The following NBPF14 variants were observed in gnomAD, a reference collection of about 807,000 sequenced individuals.
NBPF14 encodes the protein NBPF member 14.
A neutral mutation model predicts 91.2 loss-of-function variants in NBPF14; 104 were observed. That is an observed-to-expected ratio of 1.14 (90% confidence interval 0.97 to 1.34). The LOEUF (loss-of-function observed/expected upper bound fraction) is 1.34. Among genes scored for constraint, NBPF14 ranks in the 40% most tolerant of loss-of-function variants. The pLI, the probability that NBPF14 is intolerant of heterozygous loss-of-function variation, is 0.00. For synonymous variants in NBPF14, 294 were observed against 303.8 expected, an observed-to-expected ratio of 0.97 and a Z score of 0.34; for missense variants, 908 against 783.0, an observed-to-expected ratio of 1.16 and a Z score of -1.91.
exon 69 of NBPF14, chr1:148,534,849 T>G (rs1237716534): frequency 3.2e-5 from 33 of 1,016,898 alleles, no homozygotes; most frequent in Non-Finnish European, 4.9e-5. Context: ...AGCAGCTCCC[T>G]GCTGAGCCTG....
At chr1:148,533,802 G>A in intron 70 of NBPF14, 59 bp downstream of exon 70, 6 of 766,342 alleles carry the variant, frequency 7.8e-6, no homozygotes, top group East Asian at 2.4e-5. Flanking sequence ...TGGTTTCCCT[G>A]AATCTGTTGC....
chr1:148,534,306 T>C lies in NBPF14; in HGVS notation c.8615-337A>G, dbSNP rs1389757338. ...AGAAAAACTGCAATATTTAGCCCTG[T>C]CTCATCAAATACTCAGATTGTTCAT... On this transcript the variant is annotated intron_variant, in intron 69 of 70. Coordinates refer to ENST00000619423, the Ensembl canonical transcript of NBPF14. Among the ~76,000 whole-genome samples the C allele has an allele frequency of 8.3e-4, 126 of 151,922 alleles. 1 individual carries two copies. Among genetic ancestry groups the C allele is most frequent in the Middle Eastern group, 6.8e-3 (2 of 294 alleles).
At chr1:148,542,961 CAGAGAGAGAG>C (rs1160999375) in intron 58 of NBPF14, among the ~76,000 whole-genome samples, 99 of 16,158 alleles carry the variant, frequency 6.1e-3, no homozygotes, top group Non-Finnish European at 9.1e-3. Context: ...CACACACACA[CAGAGAGAGAG>C]AGAACGAGCT....
At chr1:148,586,667 T>C (rs1463236820) in intron 8 of NBPF14, among the ~76,000 whole-genome samples, 198 bp from the exon 9 acceptor site, 38 of 143,396 alleles carry the variant, frequency 2.6e-4, no homozygotes, top group African/African-American at 6.3e-4. Flanking sequence ...GAGAGGGCTC[T>C]TGCAAGATCC....
At chr1:148,532,110 T>G (rs3871284) in exon 71 of NBPF14, 1 of 152,394 alleles carries the variant, frequency 6.6e-6, no homozygotes, top group African/African-American at 2.4e-5. Flanking sequence ...ATCTTTTTAC[T>G]TTTTTTGAAC....
intron 38 of NBPF14, 46 bp downstream of exon 38, chr1:148,558,975 C>G: frequency 3.0e-6 from 1 of 337,368 alleles, no homozygotes; most frequent in Non-Finnish European, 4.7e-6. Context: ...CCTGGCATCT[C>G]CAGGTGTCAA....
intron 34 of NBPF14, among the ~76,000 whole-genome samples, 195 bp from the exon 35 acceptor site, chr1:148,561,774 TAG>T (rs1448573295): frequency 1.7e-5 from 1 of 60,466 alleles, no homozygotes; most frequent in Non-Finnish European, 2.8e-5. Context: ...GAAAGACAGA[TAG>T]ACACACACAC....
intron 12 of NBPF14, among the ~76,000 whole-genome samples, chr1:148,580,974 A>C (rs1660823004): frequency 1.1e-5 from 1 of 94,546 alleles, no homozygotes; most frequent in South Asian, 4.3e-4. Flanking sequence ...ATCATTTAAC[A>C]TTAGGTATAT....
chr1:148,565,996 T>G, intron 29 of NBPF14, 147 bp downstream of exon 29: 1 of 188,030 alleles, frequency 5.3e-6, no homozygotes, highest in South Asian at 2.9e-5. Flanking sequence ...CAGGTAGAAC[T>G]AGAGTTTCAT....
rs1156570342 is a variant in NBPF14 at position 148,592,638 on chromosome 1, G to A, written c.407C>T (p.Pro136Leu). ...GAGGTCCTGCCCCTGGGACTTGTCCGGCTCATACGGAGTGAGGAGGGCCTG... is the reference window on the plus strand; with the variant it reads ...GAGGTCCTGCCCCTGGGACTTGTCCAGCTCATACGGAGTGAGGAGGGCCTG... The change falls in exon 4 of 71, where the codon CCG becomes CTG. Residue 136 changes from proline to leucine, a missense_variant. Around this residue, in one of 13 missense-constraint regions of NBPF14, gnomAD observed 61 missense variants for 56.4 expected, o/e 1.08. Transcript: ENST00000619423. 125 of 1,587,282 alleles carry A rather than the reference G, an allele frequency of 7.9e-5. 11 individuals are homozygous for A. The highest frequency in any genetic ancestry group is 4.4e-4 in the Admixed American group (26 of 59,256).
At chr1:148,578,223 G>T (rs1326077874) in intron 13 of NBPF14, among the ~76,000 whole-genome samples, 189 bp from the exon 14 acceptor site, 1 of 151,776 alleles carries the variant, frequency 6.6e-6, no homozygotes, top group South Asian at 2.1e-4. Context: ...CATGAGCCTT[G>T]GGCAAAATTC....
intron 59 of NBPF14, among the ~76,000 whole-genome samples, chr1:148,542,146 T>C (rs1655644898): frequency 9.5e-6 from 1 of 105,182 alleles, no homozygotes; most frequent in African/African-American, 7.0e-5. Context: ...TCAAATGATT[T>C]CTAGGAGAAA....
chr1:148,533,773 T>A lies in NBPF14; in HGVS notation c.8723+88A>T. ...GGAGTAATTCAGCCTTTGTTGAAAA[T>A]ATGACATCAAACACACTCTGGTTTC... On this transcript the variant is annotated intron_variant, in intron 70 of 70. Coordinates refer to ENST00000619423, the Ensembl canonical transcript of NBPF14. 6 of 762,118 alleles carry A rather than the reference T, an allele frequency of 7.9e-6. No individual in the cohort carries two copies. In the Admixed American group the frequency reaches 1.0e-4, roughly 13 times the overall value. 47.2% of individuals were successfully genotyped at this position (762,118 alleles called of 1,614,324 possible). A position where few individuals can be genotyped will look rare whatever the true frequency, so the allele number is the denominator to read the frequency against.
exon 69 of NBPF14, chr1:148,534,725 G>A (rs1553332423): frequency 3.6e-6 from 3 of 836,386 alleles, no homozygotes; most frequent in East Asian, 2.4e-5. Context: ...TTCCTCCAAT[G>A]AGTAAACAGC....
At chr1:148,576,752 A>G (rs1659838397) in intron 15 of NBPF14, among the ~76,000 whole-genome samples, 1 of 146,432 alleles carries the variant, frequency 6.8e-6, no homozygotes. Flanking sequence ...ATTTAAAGCA[A>G]TTGCCCCCAA....
exon 8 of NBPF14, chr1:148,587,305 G>A: frequency 1.3e-6 from 2 of 1,580,528 alleles, no homozygotes; most frequent in Admixed American, 1.7e-5. Flanking sequence ...CCTCACCTGA[G>A]CTCCTCAGCT....
At chr1:148,576,098 G>C (rs1333749591) in intron 16 of NBPF14, among the ~76,000 whole-genome samples, 1 of 138,560 alleles carries the variant, frequency 7.2e-6, no homozygotes, top group African/African-American at 2.9e-5. Context: ...CTGAGTTAGT[G>C]CCCTCGGGAC....
rs1471149975 is a variant in NBPF14 at position 148,557,693 on chromosome 1, G to C, written c.4955-151C>G. On this transcript the variant is annotated intron_variant, in intron 39 of 70. Coordinates refer to ENST00000619423, the Ensembl canonical transcript of NBPF14. ...TATACTTCAGGAGGCCTGAAAGCTG[G>C]TCATGATATTCCTTGCTTTGCATCT... Among the ~76,000 whole-genome samples, 4 of 130,042 alleles carry C rather than the reference G, an allele frequency of 3.1e-5. 1 individual carries two copies. The highest frequency in any genetic ancestry group is 1.1e-4 in the African/African-American group (3 of 28,294). 85.3% of individuals were successfully genotyped at this position (130,042 alleles called of 152,430 possible). A position where few individuals can be genotyped will look rare whatever the true frequency, so the allele number is the denominator to read the frequency against.
chr1:148,587,028 G>T lies in NBPF14; in HGVS notation c.1091+273C>A, dbSNP rs1661656205. On this transcript the variant is annotated intron_variant, in intron 8 of 70. Transcript: ENST00000619423. Reference sequence around the variant, plus strand: ...TTGAGTATACTGAATGCTGCTGTGTGGTTCACACTCCTTTGGTTAATTTTG... The same window carrying T: ...TTGAGTATACTGAATGCTGCTGTGTTGTTCACACTCCTTTGGTTAATTTTG... Among the ~76,000 whole-genome samples, 5 of 147,056 alleles carry T rather than the reference G, an allele frequency of 3.4e-5. No homozygotes were observed. The South Asian group carries it at 1.1e-3, about 33-fold the overall frequency.
Sources: gnomAD v4.1 joint callset for allele counts (sites outside exome capture counted in the v4.1 genomes callset) on GRCh38, gnomAD v4.1.1 for gene constraint, gnomAD v4.1.1 regional missense constraint, MANE v1.5 for transcripts, NCBI Gene and HGNC (gene_info 2026-07-23, HGNC 2026-07-21) for gene names.